DAB1: variants seen among roughly 807,000 people sequenced by gnomAD.
DAB1 encodes DAB adaptor protein 1.
In DAB1, 15 loss-of-function variants were observed where a neutral mutation model predicts 64.6. The observed-to-expected ratio is 0.23, with a 90% CI of 0.16 to 0.36. The LOEUF (loss-of-function observed/expected upper bound fraction) is 0.36. Ranked by LOEUF, DAB1 falls within the 10% of genes least tolerant of loss-of-function variation. The pLI is 1.00. For synonymous variants in DAB1, 235 were observed against 251.9 expected (o/e 0.93, Z 0.64); for missense variants, 596 against 706.7 (o/e 0.84, Z 1.78).
chr1:57,630,659 T>C (rs965002177), intron 7 of DAB1, among the ~76,000 whole-genome samples: 4 of 152,254 alleles, frequency 2.6e-5, no homozygotes, highest in East Asian at 1.9e-4. Context: ...TAAAAGGAAG[T>C]CCTGGCCTCA....
At chr1:57,788,540 C>T (rs559988370) in intron 6 of DAB1, among the ~76,000 whole-genome samples, 3 of 152,096 alleles carry the variant, frequency 2.0e-5, no homozygotes, top group African/African-American at 7.2e-5. Context: ...GAGCACTAAC[C>T]ACAAAGAAGT....
chr1:58,218,328 C>T (rs1658964996), intron 4 of DAB1, among the ~76,000 whole-genome samples: 1 of 152,154 alleles, frequency 6.6e-6, no homozygotes, highest in South Asian at 2.1e-4. Flanking sequence ...AGTAGGACAC[C>T]TTGTGCTCTA....
intron 7 of DAB1, among the ~76,000 whole-genome samples, chr1:57,534,933 T>C (rs1223494451): frequency 6.6e-6 from 1 of 152,054 alleles, no homozygotes; most frequent in Non-Finnish European, 1.5e-5. Flanking sequence ...CTTTACAGAG[T>C]CTTCTTAATT....
At chr1:58,400,438 A>T (rs1644559027) in intron 3 of DAB1, among the ~76,000 whole-genome samples, 1 of 152,170 alleles carries the variant, frequency 6.6e-6, no homozygotes, top group South Asian at 2.1e-4. Flanking sequence ...CAGCCATCTA[A>T]GGGAGAGGAA....
intron 9 of DAB1, among the ~76,000 whole-genome samples, chr1:57,046,280 G>T (rs1006499010): frequency 6.6e-6 from 1 of 152,204 alleles, no homozygotes; most frequent in African/African-American, 2.4e-5. Flanking sequence ...AAGCACACTT[G>T]CTGGCCCCTA....
intron 5 of DAB1, among the ~76,000 whole-genome samples, chr1:57,908,118 A>C (rs1025596371): frequency 6.6e-6 from 1 of 152,072 alleles, no homozygotes; most frequent in Non-Finnish European, 1.5e-5. Context: ...TGTGCAGGGC[A>C]TGACTAAACT....
chr1:57,309,886 A>G (rs1474913648), intron 1 of DAB1, among the ~76,000 whole-genome samples: 2 of 152,206 alleles, frequency 1.3e-5, no homozygotes, highest in African/African-American at 4.8e-5. Context: ...AGTGATCACA[A>G]GAGAAGGAGT....
intron 7 of DAB1, among the ~76,000 whole-genome samples, chr1:57,523,958 T>C (rs1331664861): frequency 6.6e-6 from 1 of 151,730 alleles, no homozygotes; most frequent in East Asian, 1.9e-4. Flanking sequence ...AAAGGAACAA[T>C]TAGAGAAAAA....
At chr1:57,508,948 T>C (rs1037159253) in intron 7 of DAB1, among the ~76,000 whole-genome samples, 2 of 151,646 alleles carry the variant, frequency 1.3e-5, no homozygotes, top group Non-Finnish European at 2.9e-5. Flanking sequence ...CATTAATATA[T>C]GATGTACATA....
chr1:57,314,496 T>C (rs2100743521), intron 1 of DAB1, among the ~76,000 whole-genome samples: 1 of 152,264 alleles, frequency 6.6e-6, no homozygotes, highest in Non-Finnish European at 1.5e-5. Context: ...TTTTCTGCAG[T>C]ATTGAATGCC....
chr1:58,478,580 A>T (rs955087196), intron 3 of DAB1, among the ~76,000 whole-genome samples: 6 of 152,274 alleles, frequency 3.9e-5, no homozygotes, highest in Admixed American at 2.0e-4. Context: ...ACAACTACAG[A>T]AGCAGATTTT....
At chr1:57,011,382 T>A in intron 12 of DAB1, 110 bp from the exon 13 acceptor site, 1 of 1,260,274 alleles carries the variant, frequency 7.9e-7, no homozygotes, top group Non-Finnish European at 1.1e-6. Context: ...TTAGGATTCC[T>A]CTTCCTATTT....
rs1038596139 is a variant in DAB1 at position 57,360,398 on chromosome 1, A to G, written c.-137+63532T>C. 5.3e-5 allele frequency among the ~76,000 whole-genome samples: 8 copies of G among 152,068 alleles called. 1 individual carries two copies. Among genetic ancestry groups the G allele is most frequent in the Non-Finnish European group, 1.0e-4 (7 of 68,000 alleles). The stretch of plus-strand genomic sequence containing the variant: ...TTAAAATGACTCTTTGCAGAATCCA[A>G]TTTGGATAAGCCCATGTCAATACTA... On this transcript the variant is annotated intron_variant, in intron 1 of 14. Coordinates refer to ENST00000371236, the MANE Select transcript of DAB1 (RefSeq NM_001365792.1).
intron 2 of DAB1, among the ~76,000 whole-genome samples, chr1:57,255,980 GTGAAA>G (rs529873203): frequency 3.3e-5 from 5 of 152,322 alleles, no homozygotes; most frequent in African/African-American, 9.6e-5. Context: ...TAAATCAGCA[GTGAAA>G]TGAAACCAAC....
chr1:58,544,392 G>C (rs983781074), intron 1 of DAB1, among the ~76,000 whole-genome samples: 1 of 152,032 alleles, frequency 6.6e-6, no homozygotes, highest in African/African-American at 2.4e-5. Context: ...ATAGTAATGA[G>C]AAAATATGCT....
intron 4 of DAB1, among the ~76,000 whole-genome samples, chr1:57,095,411 T>A (rs1446261998): frequency 6.6e-6 from 1 of 152,116 alleles, no homozygotes; most frequent in Non-Finnish European, 1.5e-5. Context: ...AAGTTCTGAG[T>A]CCTGTCTTGC....
chr1:57,334,992 A>G (rs1039735599), intron 1 of DAB1, among the ~76,000 whole-genome samples: 3 of 152,224 alleles, frequency 2.0e-5, no homozygotes, highest in Admixed American at 2.0e-4. Context: ...TCTGGGAATA[A>G]TAATCAAACC....
chr1:58,389,098 G>C (rs909345432), intron 3 of DAB1, among the ~76,000 whole-genome samples: 1 of 152,098 alleles, frequency 6.6e-6, no homozygotes, highest in African/African-American at 2.4e-5. Context: ...ATGAAAACAC[G>C]TGCTTTCCAG....
chr1:57,939,593 T>G (rs1645074318), intron 5 of DAB1, among the ~76,000 whole-genome samples: 1 of 152,190 alleles, frequency 6.6e-6, no homozygotes, highest in Admixed American at 6.5e-5. Context: ...TAGCGGTAAT[T>G]TCTTCCCAGA....
Sources: gnomAD v4.1 joint callset for allele counts (sites outside exome capture counted in the v4.1 genomes callset) on GRCh38, gnomAD v4.1.1 for gene constraint, MANE v1.5 for transcripts, NCBI Gene and HGNC (gene_info 2026-07-23, HGNC 2026-07-21) for gene names.